Variants in SCFD2 observed in about 807,000 individuals in gnomAD.
SCFD2 encodes sec1 family domain containing 2, also known as sec1 family domain-containing protein 2.
In SCFD2, 54 loss-of-function variants were observed where a neutral mutation model predicts 58.9. That is an observed-to-expected ratio of 0.92 (90% confidence interval 0.74 to 1.15). The LOEUF is 1.15. SCFD2 is among the 50% of genes most tolerant of loss of function. The pLI is 0.00. For missense variants in SCFD2, 805 were observed against 836.6 expected (o/e 0.96, Z 0.47); for synonymous variants, 321 against 335.9 (o/e 0.96, Z 0.49).
At chr4:53,032,059 A>C (rs2148819167) in intron 5 of SCFD2, among the ~76,000 whole-genome samples, 1 of 152,366 alleles carries the variant, frequency 6.6e-6, no homozygotes, top group South Asian at 2.1e-4. Context: ...GTTACCCACA[A>C]AGGGAAGCCC....
At chr4:53,349,869 G>A (rs1426062958) in intron 2 of SCFD2, among the ~76,000 whole-genome samples, 1 of 152,236 alleles carries the variant, frequency 6.6e-6, no homozygotes, top group Non-Finnish European at 1.5e-5. Flanking sequence ...TTAGGTTTCT[G>A]TGGAAGTGGC....
intron 5 of SCFD2, among the ~76,000 whole-genome samples, chr4:53,010,359 A>C (rs1385019848): frequency 6.6e-6 from 1 of 152,214 alleles, no homozygotes; most frequent in Non-Finnish European, 1.5e-5. Context: ...ATACGACAAA[A>C]ATTTATATTC....
At chr4:53,023,762 A>G (rs555273433) in intron 5 of SCFD2, among the ~76,000 whole-genome samples, 58 of 152,222 alleles carry the variant, frequency 3.8e-4, no homozygotes, top group African/African-American at 1.4e-3. Context: ...GGAATGAGGC[A>G]TAGTATTAAT....
At chr4:52,909,400 T>C (rs1024030962) in intron 6 of SCFD2, among the ~76,000 whole-genome samples, 1 of 152,144 alleles carries the variant, frequency 6.6e-6, no homozygotes, top group African/African-American at 2.4e-5. Context: ...AGGTACAGAA[T>C]AGTGTGTGAA....
At chr4:53,178,393 T>C (rs1384516911) in intron 4 of SCFD2, among the ~76,000 whole-genome samples, 3 of 152,188 alleles carry the variant, frequency 2.0e-5, no homozygotes, top group Admixed American at 1.3e-4. Context: ...AAACAGGGTC[T>C]GGAGTGGACC....
At chr4:53,319,603 G>A (rs1560445134) in intron 2 of SCFD2, among the ~76,000 whole-genome samples, 1 of 151,660 alleles carries the variant, frequency 6.6e-6, no homozygotes, top group Non-Finnish European at 1.5e-5. Flanking sequence ...CATGATCTCA[G>A]CTCACTGCAG....
rs999741856 is a variant in SCFD2, at chr4:53,312,054, G to A, written c.1135+1582C>T. Among the ~76,000 whole-genome samples, 21 of 152,058 alleles carry A rather than the reference G, an allele frequency of 1.4e-4. 1 individual carries two copies. The highest frequency in any genetic ancestry group is 1.2e-3 in the South Asian group (6 of 4,824). ...TGGAAAGGAAAGGAGAGAAGGGGAT[G>A]GGAGATGGAGGGACAGAAGGAAGGA... On this transcript the variant is annotated intron_variant, in intron 3 of 8. Coordinates refer to ENST00000401642, the MANE Select transcript of SCFD2 (RefSeq NM_152540.4).
At chr4:53,112,112 G>A (rs1193699467) in intron 5 of SCFD2, among the ~76,000 whole-genome samples, 1 of 152,138 alleles carries the variant, frequency 6.6e-6, no homozygotes, top group African/African-American at 2.4e-5. Context: ...AGATGGAATG[G>A]AAGAGAGTTT....
chr4:53,251,931 A>G (rs988655524), intron 4 of SCFD2, among the ~76,000 whole-genome samples: 1 of 152,016 alleles, frequency 6.6e-6, no homozygotes. Context: ...TTAGGAAAAG[A>G]GGAAGTCAAA....
rs139136333 is a variant in SCFD2 at position 53,034,642 on chromosome 4, C to T, written c.1561+110691G>A. Among the ~76,000 whole-genome samples, 1,107 of 152,244 alleles carry T rather than the reference C, an allele frequency of 7.3e-3. 7 individuals are homozygous for T. The highest frequency in any genetic ancestry group is 0.025 in the African/African-American group (1,053 of 41,532). On this transcript the variant is annotated intron_variant, in intron 5 of 8. Transcript: ENST00000401642. ...TCAGCAATGTTTCAGGATACAAAAT[C>T]AATGTGCAAAGATCACAAGCATTCC...
chr4:53,347,219 T>G (rs1280184784), intron 2 of SCFD2, among the ~76,000 whole-genome samples: 2 of 152,202 alleles, frequency 1.3e-5, no homozygotes, highest in Admixed American at 1.3e-4. Context: ...TTCAAAACAT[T>G]CCACAGAGTC....
At chr4:52,888,004 G>C (rs940030573) in intron 7 of SCFD2, among the ~76,000 whole-genome samples, 3 of 143,032 alleles carry the variant, frequency 2.1e-5, no homozygotes, top group Non-Finnish European at 4.5e-5. Flanking sequence ...TCCGCTTCCC[G>C]GGTTCACGCC....
chr4:53,199,699 TCAA>T (rs1377370802), intron 4 of SCFD2, among the ~76,000 whole-genome samples: 1 of 152,032 alleles, frequency 6.6e-6, no homozygotes, highest in East Asian at 1.9e-4. Flanking sequence ...GGCGAACACA[TCAA>T]CAACATGCTG....
intron 4 of SCFD2, among the ~76,000 whole-genome samples, chr4:53,170,277 AT>A (rs1727142304): frequency 6.6e-6 from 1 of 152,198 alleles, no homozygotes. Flanking sequence ...AGCACCTTTA[AT>A]TGAAGACACC....
chr4:52,952,988 C>A (rs992357111), intron 5 of SCFD2, among the ~76,000 whole-genome samples: 1 of 152,158 alleles, frequency 6.6e-6, no homozygotes, highest in African/African-American at 2.4e-5. Flanking sequence ...AAGTTTATAA[C>A]TTTAAAATGT....
intron 4 of SCFD2, among the ~76,000 whole-genome samples, chr4:53,262,475 G>T (rs1730857987): frequency 6.6e-6 from 1 of 152,184 alleles, no homozygotes; most frequent in South Asian, 2.1e-4. Flanking sequence ...GCATTTGTTT[G>T]TCTAGAAAAG....
chr4:53,159,986 G>T (rs73250940), intron 4 of SCFD2, among the ~76,000 whole-genome samples: 23,802 of 152,160 alleles, frequency 0.16, 2,388 homozygotes, highest in Admixed American at 0.24. Flanking sequence ...CCTCTAACAG[G>T]GTAGAAATGG....
chr4:53,220,176 C>A (rs1560393372), intron 4 of SCFD2, among the ~76,000 whole-genome samples: 1 of 152,164 alleles, frequency 6.6e-6, no homozygotes, highest in South Asian at 2.1e-4. Flanking sequence ...AGCCCATGAC[C>A]CAGCTTCATT....
rs372097944 is a variant in SCFD2 at position 53,135,415 on chromosome 4, C to T, written c.1561+9918G>A. Among the ~76,000 whole-genome samples the T allele has an allele frequency of 3.1e-3, 474 of 152,240 alleles. 4 individuals carry two copies. The highest frequency in any genetic ancestry group is 0.02 in the Middle Eastern group (6 of 294). On this transcript the variant is annotated intron_variant, in intron 5 of 8. Coordinates refer to ENST00000401642, the MANE Select transcript of SCFD2 (RefSeq NM_152540.4). The stretch of plus-strand genomic sequence containing the variant: ...CCTGGTTTCTTGAGAGATGGCAATA[C>T]CAGACTCATGCTTCCCTGGCAAAAA...
Sources: gnomAD v4.1 joint callset for allele counts (sites outside exome capture counted in the v4.1 genomes callset) on GRCh38, gnomAD v4.1.1 for gene constraint, MANE v1.5 for transcripts, NCBI Gene and HGNC (gene_info 2026-07-23, HGNC 2026-07-21) for gene names.